ZNF532: variants seen among roughly 807,000 people sequenced by gnomAD.
ZNF532 encodes zinc finger protein 532.
A neutral mutation model predicts 89.3 loss-of-function variants in ZNF532; 22 were observed. The observed-to-expected ratio is 0.25, with a 90% CI of 0.18 to 0.35. The LOEUF (loss-of-function observed/expected upper bound fraction) is 0.35, where lower values mean the gene tolerates loss of function less well. Among genes scored for constraint, ZNF532 ranks in the 10% least tolerant of loss-of-function variants. The pLI, the probability that ZNF532 is intolerant of heterozygous loss-of-function variation, is 1.00. For synonymous variants in ZNF532, 606 were observed against 649.6 expected, an observed-to-expected ratio of 0.93 and a Z score of 1.02; for missense variants, 1,132 against 1,643.4, an observed-to-expected ratio of 0.69 and a Z score of 5.38.
At chr18:58,950,214 G>A (rs2064029865) in intron 6 of ZNF532, among the ~76,000 whole-genome samples, 1 of 152,172 alleles carries the variant, frequency 6.6e-6, no homozygotes, top group African/African-American at 2.4e-5. Flanking sequence ...TCGACTTTGT[G>A]GTTAGGGTCT....
intron 5 of ZNF532, among the ~76,000 whole-genome samples, chr18:58,941,860 CT>C (rs1278052748): frequency 6.8e-6 from 1 of 146,404 alleles, no homozygotes; most frequent in Non-Finnish European, 1.5e-5. Flanking sequence ...CTTCCTCTTT[CT>C]TTCTTTTCTT....
rs71336307 is a variant in ZNF532, at chr18:58,939,246, CAAAAAAA to C, written c.2529-176_2529-170del. Among the ~76,000 whole-genome samples the C allele has an allele frequency of 0.021, 728 of 34,422 alleles. 10 individuals are homozygous for C. The South Asian group carries it at 0.23, about 11-fold the overall frequency. The allele number at this position is 34,422 out of a possible 152,430, so 22.6% of individuals were successfully genotyped here. ...TGGGCGACAGAGCGAGACGTTGTCT[CAAAAAAA>C]AAAAAAAAAAAAAAAAAAAAAACCC... On this transcript the variant is annotated intron_variant, in intron 4 of 9. Transcript: ENST00000591808.
chr18:58,892,494 AC>A (rs1249944978), intron 2 of ZNF532, among the ~76,000 whole-genome samples: 1 of 152,208 alleles, frequency 6.6e-6, no homozygotes, highest in Non-Finnish European at 1.5e-5. Flanking sequence ...CCCAAATGTT[AC>A]CAGTTGATCT....
At chr18:58,948,343 T>G in intron 6 of ZNF532, 114 bp downstream of exon 6, 1 of 1,104,878 alleles carries the variant, frequency 9.1e-7, no homozygotes, top group Non-Finnish European at 1.3e-6. Context: ...AGGGAAGGGA[T>G]GGATGCTGGT....
upstream of ZNF532, chr18:58,864,447 C>T (rs555987784): frequency 2.0e-5 from 3 of 152,236 alleles, no homozygotes; most frequent in East Asian, 5.8e-4. Context: ...AGCTCGCTTT[C>T]TTGGGGGCTC....
At chr18:58,888,759 TTA>T (rs376891873) in intron 2 of ZNF532, among the ~76,000 whole-genome samples, 332 of 5,626 alleles carry the variant, frequency 0.059, 25 homozygotes, top group Middle Eastern at 0.12. Context: ...ATATATAAAA[TTA>T]ATATATATAA....
chr18:58,883,742 C>T (rs73439907), intron 2 of ZNF532, among the ~76,000 whole-genome samples: 11,178 of 151,630 alleles, frequency 0.074, 763 homozygotes, highest in African/African-American at 0.17. Flanking sequence ...TAGCAGCATC[C>T]TTGACCTCTA....
At position 58,926,719 on chromosome 18, in the gene ZNF532, T is replaced by C. The variant is rs149721780; in HGVS notation, c.2346+6086T>C. ...TTTTTTCAAACAATCATAAGTGGTA[T>C]ATATTTTTGGTGAGGACACGTTCAT... On this transcript the variant is annotated intron_variant, in intron 3 of 9. Coordinates refer to ENST00000591808, the MANE Select transcript of ZNF532 (RefSeq NM_001375912.1). Among the ~76,000 whole-genome samples the C allele has an allele frequency of 1.7e-3, 252 of 152,366 alleles. 9 individuals carry two copies. The East Asian group carries it at 0.047, about 28-fold the overall frequency.
chr18:58,907,174 T>A (rs1330388471), intron 2 of ZNF532, among the ~76,000 whole-genome samples: 1 of 152,052 alleles, frequency 6.6e-6, no homozygotes, highest in Admixed American at 6.6e-5. Flanking sequence ...CTGCTGCTGC[T>A]TATGAGTTTT....
Position 58,920,100 on chromosome 18 carries a change from G to A in ZNF532, c.1813G>A (p.Ala605Thr), listed in dbSNP as rs1293425604. ...TTACATCCCAAACCTCAGTCCTCCC[G>A]CCAATGCAGGGATCACGTTACCGAC... is the stretch of plus-strand genomic sequence containing the variant. ...PVYIPNLSPPANAGITLPTRG... is the reference protein window; with the variant it reads ...PVYIPNLSPPTNAGITLPTRG... The change falls in exon 3 of 10, where the codon GCC (alanine) becomes ACC (threonine). Residue 605 changes from alanine to threonine, a missense_variant. Physicochemically the swap from Ala to Thr is moderately conservative, Grantham distance 58. This residue lies in a region of ZNF532 where 70 missense variants were observed against 152.1 expected (regional missense o/e 0.46). Coordinates refer to ENST00000591808, the MANE Select transcript of ZNF532 (RefSeq NM_001375912.1). The A allele has an allele frequency of 5.0e-6, 8 of 1,613,812 alleles. No homozygotes were observed. The highest frequency in any genetic ancestry group is 2.7e-5 in the African/African-American group (2 of 74,886).
chr18:58,923,008 T>C (rs1427930639), intron 3 of ZNF532, among the ~76,000 whole-genome samples: 2 of 152,164 alleles, frequency 1.3e-5, no homozygotes, highest in Non-Finnish European at 2.9e-5. Context: ...TGTGTGTGGT[T>C]GCTTTGGCAT....
At chr18:58,968,174 T>TAAGGGCCC (rs918633725) in intron 7 of ZNF532, among the ~76,000 whole-genome samples, 1 of 152,222 alleles carries the variant, frequency 6.6e-6, no homozygotes, top group African/African-American at 2.4e-5. Flanking sequence ...TGTTTATCTC[T>TAAGGGCCC]AAGGGGCCCA....
At chr18:58,918,219 A>G (rs1012580880) in intron 2 of ZNF532, 52 bp from the exon 3 acceptor site, 3 of 1,508,504 alleles carry the variant, frequency 2.0e-6, no homozygotes, top group Non-Finnish European at 2.7e-6. Flanking sequence ...GTTTTATCTC[A>G]TCGTGAGGAA....
chr18:58,868,775 TTTTTA>T (rs2144504501), intron 2 of ZNF532, among the ~76,000 whole-genome samples: 1 of 152,346 alleles, frequency 6.6e-6, no homozygotes, highest in African/African-American at 2.4e-5. Context: ...TGAACATAAG[TTTTTA>T]TTTCTTTTTG....
intron 3 of ZNF532, among the ~76,000 whole-genome samples, chr18:58,926,848 A>C (rs909977952): frequency 6.6e-6 from 1 of 152,234 alleles, no homozygotes; most frequent in African/African-American, 2.4e-5. Context: ...TTTTTCAGAT[A>C]TCAAAATAGC....
chr18:58,915,730 C>CTT (rs1408044111), intron 2 of ZNF532, among the ~76,000 whole-genome samples: 1 of 152,226 alleles, frequency 6.6e-6, no homozygotes, highest in African/African-American at 2.4e-5. Flanking sequence ...GAATGTCAGA[C>CTT]AGTCGCACTG....
rs545544258 is a variant in ZNF532 at position 58,959,356 on chromosome 18, TC to T, written c.3150+5559del. ...AGGGTAATCTTGGCTCACTGCAACCTCCGCCTCCCAGGCTTAAGCAGTCCTC... is the reference window on the plus strand; with the variant it reads ...AGGGTAATCTTGGCTCACTGCAACCTCGCCTCCCAGGCTTAAGCAGTCCTC... On this transcript the variant is annotated intron_variant, in intron 7 of 9. Coordinates refer to ENST00000591808, the MANE Select transcript of ZNF532 (RefSeq NM_001375912.1). 2.4e-3 allele frequency among the ~76,000 whole-genome samples: 358 copies of T among 146,924 alleles called. 1 individual carries two copies. Among genetic ancestry groups the T allele is most frequent in the Middle Eastern group, 6.9e-3 (2 of 288 alleles).
chr18:58,924,446 G>A (rs2061372561), intron 3 of ZNF532, among the ~76,000 whole-genome samples: 1 of 152,198 alleles, frequency 6.6e-6, no homozygotes, highest in Admixed American at 6.5e-5. Flanking sequence ...TGGTTCAGAA[G>A]GTGTAAAGGG....
intron 3 of ZNF532, among the ~76,000 whole-genome samples, chr18:58,930,933 C>T (rs1181631630): frequency 6.6e-6 from 1 of 151,974 alleles, no homozygotes; most frequent in African/African-American, 2.4e-5. Flanking sequence ...GATGCAGAAC[C>T]TCAGGATACA....
Sources: allele counts gnomAD v4.1 joint callset (sites outside exome capture counted in the v4.1 genomes callset), GRCh38; gene constraint gnomAD v4.1.1; regional missense constraint gnomAD v4.1.1; transcripts MANE v1.5; gene names NCBI Gene and HGNC (gene_info 2026-07-23, HGNC 2026-07-21).